Variants in EGFR observed in about 807,000 individuals in gnomAD.
EGFR encodes the protein avian erythroblastic leukemia viral (v-erb-b) oncogene homolog.
Under a neutral mutation model 143.0 loss-of-function variants are expected in EGFR, and 58 were observed. The ratio of observed to expected loss-of-function variants is 0.41; its 90% CI spans 0.33 to 0.50. The LOEUF is 0.50. Among genes scored for constraint, EGFR ranks in the 20% least tolerant of loss-of-function variants. The pLI is 0.39. For synonymous variants in EGFR, 613 were observed against 594.4 expected, an observed-to-expected ratio of 1.03 and a Z score of -0.45; for missense variants, 1,307 against 1,579.0, an observed-to-expected ratio of 0.83 and a Z score of 2.92.
intron 1 of EGFR, among the ~76,000 whole-genome samples, chr7:55,065,292 G>A (rs561032338): frequency 5.3e-5 from 8 of 152,288 alleles, no homozygotes; most frequent in South Asian, 2.1e-4. Context: ...AGGGGTGGAC[G>A]AGGAGTAAGC....
At chr7:55,203,236 A>G (rs1240896434) in intron 27 of EGFR, among the ~76,000 whole-genome samples, 3 of 139,374 alleles carry the variant, frequency 2.2e-5, no homozygotes, top group Non-Finnish European at 4.4e-5. Flanking sequence ...CACACCACAC[A>G]CACATACATG....
chr7:55,207,097 T>A lies in EGFR; in HGVS notation c.*1480T>A, dbSNP rs1788126721. ...TAACCTGACTGGTTAACAGCAGTCCTTTGTAAACAGTGTTTTAAACTCTCC... is the reference window on the plus strand; with the variant it reads ...TAACCTGACTGGTTAACAGCAGTCCATTGTAAACAGTGTTTTAAACTCTCC... On this transcript the variant is annotated 3_prime_UTR_variant, in exon 28 of 28. Transcript: ENST00000275493. 8.6e-6 allele frequency: 2 copies of A among 232,702 alleles called. No individual in the cohort carries two copies. Among genetic ancestry groups the A allele is most frequent in the East Asian group, 1.2e-4 (2 of 16,530 alleles). The allele number at this position is 232,702 out of a possible 1,614,324, so 14.4% of individuals were successfully genotyped here. A position where few individuals can be genotyped will look rare whatever the true frequency, so the allele number is the denominator to read the frequency against.
intron 1 of EGFR, among the ~76,000 whole-genome samples, chr7:55,031,511 G>T (rs1037376095): frequency 5.2e-5 from 5 of 96,816 alleles, no homozygotes; most frequent in African/African-American, 1.3e-4. Context: ...GACGTGCCTG[G>T]TGTCAGGGAG....
chr7:55,019,536 C>T (rs1786396469), intron 1 of EGFR, among the ~76,000 whole-genome samples, 171 bp downstream of exon 1: 1 of 152,088 alleles, frequency 6.6e-6, no homozygotes, highest in Non-Finnish European at 1.5e-5. Context: ...AGGAACGGGA[C>T]GTTTCGTTCT....
rs1554311534 is a variant in EGFR at position 55,027,991 on chromosome 7, A to AAAAAT, written c.88+8627_88+8628insAAATA. 3.1e-3 allele frequency among the ~76,000 whole-genome samples: 169 copies of AAAAAT among 54,984 alleles called. 1 individual carries two copies. The highest frequency in any genetic ancestry group is 5.2e-3 in the South Asian group (6 of 1,164). 36.1% of individuals were successfully genotyped at this position (54,984 alleles called of 152,430 possible). The stretch of plus-strand genomic sequence containing the variant: ...GCCTTTATGTAAAAAAAAAAAAAAA[A>AAAAAT]ATATATATATATATATATATATATA... On this transcript the variant is annotated intron_variant, in intron 1 of 27. Transcript: ENST00000275493.
At chr7:55,108,720 T>A (rs1452011000) in intron 1 of EGFR, among the ~76,000 whole-genome samples, 1 of 152,174 alleles carries the variant, frequency 6.6e-6, no homozygotes, top group African/African-American at 2.4e-5. Flanking sequence ...CGATTTAATC[T>A]GTAGGACTCC....
intron 1 of EGFR, among the ~76,000 whole-genome samples, chr7:55,114,706 T>C (rs537101895): frequency 2.6e-5 from 4 of 152,204 alleles, no homozygotes; most frequent in South Asian, 2.1e-4. Flanking sequence ...TTCTTTCCTA[T>C]AGTATCCATG....
intron 1 of EGFR, among the ~76,000 whole-genome samples, chr7:55,024,400 G>A (rs1355531662): frequency 6.6e-6 from 1 of 152,198 alleles, no homozygotes; most frequent in East Asian, 1.9e-4. Flanking sequence ...TCTGATCCAA[G>A]TTTTATCTCA....
intron 1 of EGFR, among the ~76,000 whole-genome samples, chr7:55,138,775 G>A (rs942592237): frequency 1.3e-5 from 2 of 152,200 alleles, no homozygotes; most frequent in Non-Finnish European, 2.9e-5. Flanking sequence ...CCATATCACA[G>A]ACTGGGTAAT....
chr7:55,072,454 T>C (rs932175070), intron 1 of EGFR, among the ~76,000 whole-genome samples: 2 of 152,230 alleles, frequency 1.3e-5, no homozygotes, highest in Non-Finnish European at 2.9e-5. Flanking sequence ...ACCATGGAGC[T>C]GTCAGCAGTG....
Position 55,161,524 on chromosome 7 carries a change from C to T in EGFR, c.1524C>T (p.Ala508=), listed in dbSNP as rs1329574001. Residue 508 remains alanine, a synonymous_variant, in exon 13 of 28, where the codon GCC becomes GCT. Transcript: ENST00000275493. The part of the protein sequence containing the change: ...SCKATGQVCH[A]LCSPEGCWGP... Reference sequence around the variant, plus strand: ...AGGCCACAGGCCAGGTCTGCCATGCCTTGTGCTCCCCCGAGGGCTGCTGGG... The same window carrying T: ...AGGCCACAGGCCAGGTCTGCCATGCTTTGTGCTCCCCCGAGGGCTGCTGGG... 5 of 1,614,214 alleles carry T rather than the reference C, an allele frequency of 3.1e-6. No individual in the cohort carries two copies. Among genetic ancestry groups the T allele is most frequent in the Non-Finnish European group, 4.2e-6 (5 of 1,180,050 alleles).
chr7:55,032,850 G>C (rs752447987), intron 1 of EGFR, among the ~76,000 whole-genome samples: 33 of 152,146 alleles, frequency 2.2e-4, no homozygotes, highest in Non-Finnish European at 3.8e-4. Flanking sequence ...AGAGGGAAAA[G>C]GGATACTCAG....
intron 4 of EGFR, among the ~76,000 whole-genome samples, chr7:55,147,006 G>T (rs996247009): frequency 2.0e-5 from 3 of 152,162 alleles, no homozygotes; most frequent in African/African-American, 7.2e-5. Flanking sequence ...CTTGTGTCCT[G>T]AGAAGAGCTG....
chr7:55,196,501 T>G (rs1380509275), intron 22 of EGFR, among the ~76,000 whole-genome samples: 1 of 152,184 alleles, frequency 6.6e-6, no homozygotes, highest in Non-Finnish European at 1.5e-5. Flanking sequence ...TTTCTTTTGC[T>G]GTGCAGAAGA....
chr7:55,148,716 A>T (rs926389553), intron 4 of EGFR, among the ~76,000 whole-genome samples: 1 of 152,166 alleles, frequency 6.6e-6, no homozygotes, highest in Admixed American at 6.5e-5. Flanking sequence ...TTCACCATCG[A>T]CCTGATACCT....
In EGFR at chr7:55,061,471, A is replaced by G. The variant is rs1288425797; in HGVS notation, c.88+42106A>G. Among the ~76,000 whole-genome samples the G allele has an allele frequency of 2.0e-5, 3 of 152,164 alleles. No individual in the cohort carries two copies. The East Asian group carries it at 5.8e-4, about 29-fold the overall frequency. The stretch of plus-strand genomic sequence containing the variant: ...GCCACAGAGGGAAAGGGGACAGAGA[A>G]TATGCTTTCATTCAGCTCTCCTCGT... On this transcript the variant is annotated intron_variant, in intron 1 of 27. Transcript: ENST00000275493.
At chr7:55,203,340 CACAT>C (rs1562808186) in intron 27 of EGFR, among the ~76,000 whole-genome samples, 1 of 147,002 alleles carries the variant, frequency 6.8e-6, no homozygotes, top group Non-Finnish European at 1.5e-5. Flanking sequence ...CACGTATACA[CACAT>C]ATATACACAC....
intron 1 of EGFR, among the ~76,000 whole-genome samples, chr7:55,025,525 A>G (rs1256352596): frequency 6.6e-6 from 1 of 152,188 alleles, no homozygotes; most frequent in Non-Finnish European, 1.5e-5. Flanking sequence ...TCCAATATCA[A>G]TATTCAGCTT....
At chr7:55,200,243 T>C in intron 23 of EGFR, 73 bp from the exon 24 acceptor site, 2 of 1,413,130 alleles carry the variant, frequency 1.4e-6, no homozygotes, top group Non-Finnish European at 2.0e-6. Flanking sequence ...ACCAATGCCT[T>C]CTTTAAGCAA....
Sources: allele counts gnomAD v4.1 joint callset (sites outside exome capture counted in the v4.1 genomes callset), GRCh38; gene constraint gnomAD v4.1.1; transcripts MANE v1.5; gene names NCBI Gene and HGNC (gene_info 2026-07-23, HGNC 2026-07-21).